TXNL4A: variants seen among roughly 807,000 people sequenced by gnomAD.
TXNL4A encodes thioredoxin like 4A.
In TXNL4A, 17 loss-of-function variants were observed where a neutral mutation model predicts 14.6. That is an observed-to-expected ratio of 1.16 (90% CI 0.80 to 1.74). The LOEUF (loss-of-function observed/expected upper bound fraction) is 1.74. Ranked by LOEUF, TXNL4A falls within the 40% of genes most tolerant of loss-of-function variation. The pLI, the probability that TXNL4A is intolerant of heterozygous loss-of-function variation, is 0.00. For missense variants in TXNL4A, 74 were observed against 195.2 expected (o/e 0.38, Z 3.70); for synonymous variants, 83 against 70.6 (o/e 1.18, Z -0.88).
intron 1 of TXNL4A, among the ~76,000 whole-genome samples, chr18:80,010,873 C>T (rs2051765051): frequency 6.6e-6 from 1 of 152,138 alleles, no homozygotes; most frequent in African/African-American, 2.4e-5. Flanking sequence ...GGACTCTTCC[C>T]TTGCTGTCTA....
rs1305650763 is a variant in TXNL4A at position 79,988,476 on chromosome 18, G to A, written c.-84C>T. The A allele has an allele frequency of 2.4e-6, 3 of 1,242,852 alleles. No individual in the cohort carries two copies. The highest frequency in any genetic ancestry group is 4.3e-5 in the Admixed American group (1 of 23,370). 77.0% of individuals were successfully genotyped at this position (1,242,852 alleles called of 1,614,324 possible). The stretch of plus-strand genomic sequence containing the variant: ...GGGCTCAGCCGGCCCCTCACTCCCC[G>A]GCCCCCGCCGCCCCCGGGCCCACGG... On this transcript the variant is annotated 5_prime_UTR_variant, in exon 1 of 3. Transcript: ENST00000269601.
intron 1 of TXNL4A, 138 bp downstream of exon 1, chr18:79,988,102 G>C (rs969979228): frequency 1.9e-6 from 2 of 1,075,486 alleles, no homozygotes; most frequent in East Asian, 6.1e-5. Flanking sequence ...ACCGCAGCGA[G>C]GGGAGGAATC....
intron 1 of TXNL4A, among the ~76,000 whole-genome samples, chr18:79,997,395 C>CAAAAACA (rs1555720136): frequency 6.7e-6 from 1 of 148,424 alleles, no homozygotes; most frequent in Non-Finnish European, 1.5e-5. Context: ...AAAACAAAAA[C>CAAAAACA]AAAAAAAAAC....
chr18:79,977,736 A>G (rs779416058), intron 1 of TXNL4A, 35 bp from the exon 2 acceptor site: 22 of 1,280,206 alleles, frequency 1.7e-5, no homozygotes, highest in Admixed American at 4.2e-5. Context: ...CTGAAATAAC[A>G]GAACACTTTG....
chr18:79,986,492 T>C, intron 1 of TXNL4A: 1 of 842,280 alleles, frequency 1.2e-6, no homozygotes, highest in South Asian at 5.4e-5. Context: ...TAAGTGTGTG[T>C]CCACTATGTG....
At chr18:79,979,424 T>A (rs2051429749) in intron 1 of TXNL4A, 1 of 152,252 alleles carries the variant, frequency 6.6e-6, no homozygotes. Context: ...GGGAGGCGAC[T>A]GGATCATGGG....
chr18:79,988,239 C>G lies in TXNL4A; in HGVS notation c.153+1G>C. ...CAGAGCGGGAGAGTCCGGCGCGCTA[C>G]CTTCTCGGCGATGCTGTACAGGACC... On this transcript the variant is annotated splice_donor_variant, in intron 1 of 2. Coordinates refer to ENST00000269601, the MANE Select transcript of TXNL4A (RefSeq NM_006701.5). LOFTEE classifies it high-confidence loss of function. 2 of 1,538,276 alleles carry G rather than the reference C, an allele frequency of 1.3e-6. No homozygotes were observed. The highest frequency in any genetic ancestry group is 1.8e-6 in the Non-Finnish European group (2 of 1,126,074).
intron 1 of TXNL4A, among the ~76,000 whole-genome samples, chr18:80,002,307 G>T (rs573871120): frequency 1.7e-3 from 264 of 152,286 alleles, no homozygotes; most frequent in African/African-American, 5.8e-3. Flanking sequence ...TTAGGTCCTC[G>T]TGTCTAGGTG....
At chr18:79,997,548 A>C (rs182257662) in intron 1 of TXNL4A, among the ~76,000 whole-genome samples, 264 of 152,302 alleles carry the variant, frequency 1.7e-3, no homozygotes, top group African/African-American at 5.8e-3. Flanking sequence ...AGATCTCTGC[A>C]GTGCCTTCTT....
chr18:79,977,889 G>A (rs571526117), intron 1 of TXNL4A, 188 bp from the exon 2 acceptor site: 17 of 566,628 alleles, frequency 3.0e-5, no homozygotes, highest in African/African-American at 7.5e-5. Flanking sequence ...CTGCAGCCTC[G>A]ACCTCCCAGG....
At chr18:80,014,995 G>A (rs948423747) in intron 1 of TXNL4A, among the ~76,000 whole-genome samples, 1 of 152,252 alleles carries the variant, frequency 6.6e-6, no homozygotes, top group Non-Finnish European at 1.5e-5. Flanking sequence ...AGCCCAAGCT[G>A]TATGTTGGCC....
intron 1 of TXNL4A, 69 bp downstream of exon 1, chr18:79,988,171 C>T: frequency 7.4e-7 from 1 of 1,351,662 alleles, no homozygotes; most frequent in Admixed American, 2.6e-5. Context: ...CCAGGCGACG[C>T]CGGCAGGGCA....
At chr18:79,989,291 G>A (rs1427071279), upstream of TXNL4A, among the ~76,000 whole-genome samples, 2 of 152,072 alleles carry the variant, frequency 1.3e-5, no homozygotes, top group Admixed American at 1.3e-4. Context: ...TTTGTACTTA[G>A]TAGAGACGGG....
chr18:79,973,555 T>C lies in TXNL4A; in HGVS notation c.*130A>G. 8.4e-7 allele frequency: 1 copy of C among 1,188,594 alleles called. No individual in the cohort carries two copies. Among genetic ancestry groups the C allele is most frequent in the South Asian group, 1.7e-5 (1 of 60,512 alleles). 73.6% of individuals were successfully genotyped at this position (1,188,594 alleles called of 1,614,324 possible). A position where few individuals can be genotyped will look rare whatever the true frequency, so the allele number is the denominator to read the frequency against. ...TGTTTATTTCGGTGAGTTAAGACCA[T>C]GTTATCAATTCCATCTCAGAGGTGC... is the stretch of plus-strand genomic sequence containing the variant. On this transcript the variant is annotated 3_prime_UTR_variant, in exon 3 of 3. Transcript: ENST00000269601.
intron 1 of TXNL4A, among the ~76,000 whole-genome samples, chr18:80,009,214 C>T (rs764297792): frequency 3.9e-5 from 6 of 152,146 alleles, no homozygotes; most frequent in Non-Finnish European, 5.9e-5. Flanking sequence ...CATCATCTTA[C>T]AAGAAGAAAA....
chr18:79,981,498 C>G (rs2051463105), intron 1 of TXNL4A, among the ~76,000 whole-genome samples: 1 of 152,094 alleles, frequency 6.6e-6, no homozygotes, highest in Admixed American at 6.5e-5. Flanking sequence ...GTGGTGCAAC[C>G]CTGTCTCTAC....
At position 80,006,399 on chromosome 18, in the gene TXNL4A, G is replaced by A. The variant is rs564341079; in HGVS notation, c.-61+27452C>T. ...ACTCTGTCTCAAAAAAAAAAGGAAA[G>A]TTTATTAGGAAGAATGCTGTAACAG... On this transcript the variant is annotated intron_variant, in intron 1 of 2. Coordinates refer to the TXNL4A transcript ENST00000585474. 7.8e-4 allele frequency among the ~76,000 whole-genome samples: 119 copies of A among 151,648 alleles called. 1 individual carries two copies. Among genetic ancestry groups the A allele is most frequent in the African/African-American group, 2.8e-3 (117 of 41,332 alleles).
At chr18:80,016,843 C>A (rs1231752124) in intron 1 of TXNL4A, among the ~76,000 whole-genome samples, 1 of 149,540 alleles carries the variant, frequency 6.7e-6, no homozygotes, top group East Asian at 2.0e-4. Flanking sequence ...CTTGGCGATG[C>A]GGGCTCTTTT....
intron 1 of TXNL4A, among the ~76,000 whole-genome samples, chr18:80,004,254 G>A (rs560509360): frequency 5.3e-5 from 8 of 152,288 alleles, no homozygotes; most frequent in South Asian, 4.1e-4. Flanking sequence ...CTTGCCAGGC[G>A]TTTGATGTGC....
Sources: gnomAD v4.1 joint callset for allele counts (sites outside exome capture counted in the v4.1 genomes callset) on GRCh38, gnomAD v4.1.1 for gene constraint, MANE v1.5 for transcripts, NCBI Gene and HGNC (gene_info 2026-07-23, HGNC 2026-07-21) for gene names.